WDSUB1: variants seen among roughly 807,000 people sequenced by gnomAD.
WDSUB1 encodes the protein WD repeat, SAM and U-box domain-containing protein 1.
A neutral mutation model predicts 53.9 loss-of-function variants in WDSUB1; 49 were observed. That is an observed-to-expected ratio of 0.91 (90% CI 0.72 to 1.15). WDSUB1 has a LOEUF of 1.15. Among genes scored for constraint, WDSUB1 ranks in the 50% most tolerant of loss-of-function variants. The pLI, the probability that WDSUB1 is intolerant of heterozygous loss-of-function variation, is 0.00. For missense variants in WDSUB1, 514 were observed against 562.0 expected (o/e 0.91, Z 0.86); for synonymous variants, 194 against 200.6 (o/e 0.97, Z 0.28).
At chr2:159,279,723 T>C (rs781182242) in intron 3 of WDSUB1, 38 bp downstream of exon 3, 50 of 1,547,812 alleles carry the variant, frequency 3.2e-5, no homozygotes, top group South Asian at 2.7e-4. Flanking sequence ...AAATTACAAA[T>C]AGGAATTTCT....
At chr2:159,270,603 C>G (rs919318290) in intron 5 of WDSUB1, among the ~76,000 whole-genome samples, 1 of 152,074 alleles carries the variant, frequency 6.6e-6, no homozygotes, top group Non-Finnish European at 1.5e-5. Flanking sequence ...CTTTTCAATA[C>G]GTAGTACTAG....
At position 159,282,897 on chromosome 2, in the gene WDSUB1, T is replaced by C. The variant is rs2061697930; in HGVS notation, c.173A>G (p.His58Arg). ...SPLKFHTYAV[H>R]CCCFSPSGHI... ...TCCTGAAGGGGAGAAACAGCAGCAG[T>C]GGACAGCATAGGTATGAAACTTCAA... The change falls in exon 2 of 11, where the codon CAC becomes CGC. Residue 58 changes from histidine (H) to arginine (R), a missense_variant. Coordinates refer to ENST00000359774, the MANE Select transcript of WDSUB1 (RefSeq NM_001128212.3). 1 of 1,614,072 alleles carries C rather than the reference T, an allele frequency of 6.2e-7. No homozygotes were observed. Among genetic ancestry groups the C allele is most frequent in the Non-Finnish European group, 8.5e-7 (1 of 1,180,046 alleles).
chr2:159,277,096 T>C (rs6739437), intron 3 of WDSUB1, among the ~76,000 whole-genome samples: 6,125 of 152,306 alleles, frequency 0.04, 395 homozygotes, highest in African/African-American at 0.14. Flanking sequence ...CACCTGGGCA[T>C]GTAAATTTTT....
rs1013518010 is a variant in WDSUB1, at chr2:159,248,568, A to T, written c.1133-56T>A. The T allele has an allele frequency of 4.2e-6, 6 of 1,428,854 alleles. No homozygotes were observed. In the African/African-American group the frequency reaches 9.0e-5, roughly 22 times the overall value. The allele number at this position is 1,428,854 out of a possible 1,614,324, so 88.5% of individuals were successfully genotyped here. A position where few individuals can be genotyped will look rare whatever the true frequency, so the allele number is the denominator to read the frequency against. ...ACTACTAGTAATCCTTACTACTAGG[A>T]TACTACCAGTAATCCTTATTCACAA... On this transcript the variant is annotated intron_variant, in intron 9 of 10. Transcript: ENST00000359774.
chr2:159,285,368 G>A (rs1176090719), intron 1 of WDSUB1, among the ~76,000 whole-genome samples: 3 of 151,704 alleles, frequency 2.0e-5, no homozygotes, highest in Non-Finnish European at 4.4e-5. Context: ...TTGTAAAATT[G>A]ATAATCCTTT....
intron 5 of WDSUB1, among the ~76,000 whole-genome samples, chr2:159,261,833 G>T: frequency 9.6e-6 from 1 of 104,610 alleles, no homozygotes; most frequent in African/African-American, 3.7e-5. Context: ...AAGGAAAACT[G>T]GTCAACTGAA....
intron 2 of WDSUB1, among the ~76,000 whole-genome samples, chr2:159,282,197 ATT>A (rs535503641): frequency 0.39 from 52,892 of 135,004 alleles, 12,161 homozygotes; most frequent in Non-Finnish European, 0.55. Context: ...GTTAAAAAAA[ATT>A]TTTTTTTTTT....
At chr2:159,255,340 G>A (rs1371176373) in intron 9 of WDSUB1, among the ~76,000 whole-genome samples, 3 of 152,020 alleles carry the variant, frequency 2.0e-5, no homozygotes, top group South Asian at 2.1e-4. Flanking sequence ...GGTGGCAGGC[G>A]CCTGTAGTCC....
At chr2:159,283,262 A>G (rs1219583739) in intron 1 of WDSUB1, among the ~76,000 whole-genome samples, 169 bp from the exon 2 acceptor site, 1 of 152,224 alleles carries the variant, frequency 6.6e-6, no homozygotes, top group Non-Finnish European at 1.5e-5. Flanking sequence ...GTTTCATGGA[A>G]GACAATTATT....
intron 5 of WDSUB1, among the ~76,000 whole-genome samples, chr2:159,262,288 A>C (rs2061243512): frequency 6.6e-6 from 1 of 152,120 alleles, no homozygotes; most frequent in African/African-American, 2.4e-5. Context: ...AATCAGTGCG[A>C]CAGGCAAGAG....
intron 3 of WDSUB1, among the ~76,000 whole-genome samples, chr2:159,276,406 A>AT (rs2061543032): frequency 6.6e-6 from 1 of 152,238 alleles, no homozygotes; most frequent in South Asian, 2.1e-4. Context: ...TTCACATGGA[A>AT]TAATAATGGG....
At chr2:159,236,309 T>C in intron 10 of WDSUB1, 119 bp from the exon 11 acceptor site, 1 of 981,988 alleles carries the variant, frequency 1.0e-6, no homozygotes. Context: ...GGGTTATTCC[T>C]GTCTTGCTTG....
rs374639556 is a variant in WDSUB1, at chr2:159,282,953, T to C, written c.117A>G (p.Leu39=). 1 of 1,614,194 alleles carries C rather than the reference T, an allele frequency of 6.2e-7. No individual in the cohort carries two copies. Among genetic ancestry groups the C allele is most frequent in the Non-Finnish European group, 8.5e-7 (1 of 1,180,034 alleles). The part of the protein sequence containing the change: ...SLDKTIRLYS[L]RDFTELPHSP... ...AATGTGGCAGTTCAGTAAAGTCACG[T>C]AACGAGTACAGGCGAATTGTTTTGT... Residue 39 remains leucine, a synonymous_variant, in exon 2 of 11, where the codon TTA becomes TTG. Coordinates refer to ENST00000359774, the MANE Select transcript of WDSUB1 (RefSeq NM_001128212.3).
intron 9 of WDSUB1, 79 bp downstream of exon 9, chr2:159,256,117 C>T: frequency 1.5e-6 from 2 of 1,371,318 alleles, no homozygotes; most frequent in Non-Finnish European, 2.0e-6. Context: ...AAGAAGAAAC[C>T]ATTAATGCAA....
Position 159,283,042 on chromosome 2 carries a change from C to A in WDSUB1, c.28G>T (p.Asp10Tyr). 1 of 1,613,450 alleles carries A rather than the reference C, an allele frequency of 6.2e-7. No homozygotes were observed. The highest frequency in any genetic ancestry group is 1.1e-5 in the South Asian group (1 of 91,024). Residue 10 changes from aspartate to tyrosine, a missense_variant, in exon 2 of 11, where the codon GAT (aspartate) becomes TAT (tyrosine). Transcript: ENST00000359774. ...CAGCAGTTGACATCGTCACCATGAT[C>A]AGCTAATGTGTGAATCAGTTTCACC... Reference protein sequence around the residue: MVKLIHTLADHGDDVNCCAF... With the variant: MVKLIHTLAYHGDDVNCCAF...
At chr2:159,239,388 A>C (rs780341364) in intron 10 of WDSUB1, among the ~76,000 whole-genome samples, 7 of 150,972 alleles carry the variant, frequency 4.6e-5, no homozygotes, top group Non-Finnish European at 7.4e-5. Context: ...TGGTTCACTG[A>C]ATCTTACTTA....
intron 4 of WDSUB1, among the ~76,000 whole-genome samples, chr2:159,272,090 G>A (rs2061454852): frequency 6.6e-6 from 1 of 152,184 alleles, no homozygotes; most frequent in Admixed American, 6.6e-5. Context: ...GAGCTACAGG[G>A]CAATCTGTAA....
chr2:159,257,824 G>A lies in WDSUB1; in HGVS notation c.886C>T (p.Leu296Phe), dbSNP rs754721313. The A allele has an allele frequency of 2.5e-6, 4 of 1,614,226 alleles. No individual in the cohort carries two copies. Among genetic ancestry groups the A allele is most frequent in the East Asian group, 4.5e-5 (2 of 44,890 alleles). The change falls in exon 8 of 11, where the codon CTT becomes TTT. Residue 296 changes from leucine (L) to phenylalanine (F), a missense_variant. Physicochemically the swap from Leu to Phe is conservative, Grantham distance 22 (BLOSUM62 0). Transcript: ENST00000359774. ...GTTTTGTCCATTGAACCAGTAGCAA[G>A]TAAAAGGGTATTAGGTGCAAAAGCA... ...TCAFAPNTLL[L>F]ATGSMDKTVN...
chr2:159,239,695 A>C (rs1454235206), intron 10 of WDSUB1, among the ~76,000 whole-genome samples: 1 of 152,192 alleles, frequency 6.6e-6, no homozygotes, highest in African/African-American at 2.4e-5. Context: ...GGCCAAGGCA[A>C]GTGGATCACT....
Sources: allele counts gnomAD v4.1 joint callset (sites outside exome capture counted in the v4.1 genomes callset), GRCh38; gene constraint gnomAD v4.1.1; transcripts MANE v1.5; gene names NCBI Gene and HGNC (gene_info 2026-07-23, HGNC 2026-07-21).